The following ELOVL6 variants were observed in gnomAD, a reference collection of about 807,000 sequenced individuals.
ELOVL6 encodes the protein ELOVL fatty acid elongase 6, also known as very long chain fatty acid elongase 6.
ELOVL6 carries 8 observed loss-of-function variants against 31.7 expected under a neutral mutation model. The observed-to-expected ratio is 0.25, with a 90% CI of 0.15 to 0.45. ELOVL6 has a LOEUF of 0.45. Ranked by LOEUF, ELOVL6 falls within the 20% of genes least tolerant of loss-of-function variation. The pLI, the probability that ELOVL6 is intolerant of heterozygous loss-of-function variation, is 1.00. For missense variants in ELOVL6, 126 were observed against 326.4 expected (o/e 0.39, Z 4.73); for synonymous variants, 101 against 117.7 (o/e 0.86, Z 0.92).
At chr4:110,150,604 T>C (rs575711153) in intron 1 of ELOVL6, among the ~76,000 whole-genome samples, 1 of 152,206 alleles carries the variant, frequency 6.6e-6, no homozygotes, top group Non-Finnish European at 1.5e-5. Flanking sequence ...TAAAAATGCT[T>C]AAAATTCTAA....
Position 110,154,539 on chromosome 4 carries a change from G to A in ELOVL6, c.89+43708C>T, listed in dbSNP as rs1398540331. 2.6e-5 allele frequency among the ~76,000 whole-genome samples: 4 copies of A among 152,340 alleles called. No individual in the cohort carries two copies. In the South Asian group the frequency reaches 8.3e-4, roughly 32 times the overall value. ...CAAAGAGCTGGGATTACAGGCATGA[G>A]CCTCCACACCTGGCCTATTTTTATT... is the stretch of plus-strand genomic sequence containing the variant. On this transcript the variant is annotated intron_variant, in intron 1 of 3. Transcript: ENST00000302274.
At chr4:110,142,053 C>CA (rs1757979641) in intron 1 of ELOVL6, among the ~76,000 whole-genome samples, 1 of 147,374 alleles carries the variant, frequency 6.8e-6, no homozygotes, top group South Asian at 2.1e-4. Context: ...CTTGATATCC[C>CA]ACCCCTTACT....
chr4:110,158,166 C>T (rs368460874), intron 1 of ELOVL6, among the ~76,000 whole-genome samples: 7 of 152,062 alleles, frequency 4.6e-5, no homozygotes, highest in African/African-American at 1.7e-4. Context: ...AACAAAAATC[C>T]AAACATACTA....
At chr4:110,114,269 A>G (rs1027376455) in intron 1 of ELOVL6, among the ~76,000 whole-genome samples, 13 of 152,220 alleles carry the variant, frequency 8.5e-5, no homozygotes, top group Non-Finnish European at 1.6e-4. Context: ...TTTCCTAAAT[A>G]TAAAATTTTA....
chr4:110,189,437 A>T (rs1759543199), intron 1 of ELOVL6, among the ~76,000 whole-genome samples: 1 of 151,286 alleles, frequency 6.6e-6, no homozygotes, highest in Non-Finnish European at 1.5e-5. Context: ...AAATACAAAA[A>T]TTAGGCAGGT....
At chr4:110,087,114 G>A (rs1240533210) in intron 2 of ELOVL6, among the ~76,000 whole-genome samples, 1 of 152,088 alleles carries the variant, frequency 6.6e-6, no homozygotes, top group African/African-American at 2.4e-5. Context: ...AAATTTGGGA[G>A]ATATGAAGTT....
At chr4:110,077,972 T>A (rs1274731274) in intron 2 of ELOVL6, among the ~76,000 whole-genome samples, 2 of 152,076 alleles carry the variant, frequency 1.3e-5, no homozygotes, top group East Asian at 3.8e-4. Flanking sequence ...TTTGATCAAC[T>A]GGAAGAAACG....
chr4:110,139,416 GTTTAT>G (rs530237054), intron 1 of ELOVL6, among the ~76,000 whole-genome samples: 21 of 152,092 alleles, frequency 1.4e-4, no homozygotes, highest in Non-Finnish European at 3.1e-4. Flanking sequence ...TCTTATTTAA[GTTTAT>G]TTTATTTCTA....
At chr4:110,131,319 G>A (rs1237960107) in intron 1 of ELOVL6, among the ~76,000 whole-genome samples, 1 of 152,068 alleles carries the variant, frequency 6.6e-6, no homozygotes, top group Non-Finnish European at 1.5e-5. Flanking sequence ...CAAATTATCT[G>A]TTTATATTGA....
intron 1 of ELOVL6, among the ~76,000 whole-genome samples, chr4:110,187,469 G>C (rs1163415817): frequency 1.3e-5 from 2 of 151,658 alleles, no homozygotes; most frequent in Non-Finnish European, 2.9e-5. Context: ...AATTGCTTGG[G>C]AGGCCGAGGC....
At chr4:110,058,291 G>C (rs543149645) in intron 3 of ELOVL6, among the ~76,000 whole-genome samples, 15 of 152,284 alleles carry the variant, frequency 9.9e-5, no homozygotes, top group Middle Eastern at 3.4e-3. Context: ...TCTGTTGGAG[G>C]GGGGGAGCGG....
chr4:110,198,308 C>A lies in ELOVL6; in HGVS notation c.28G>T (p.Glu10Ter). The stretch of plus-strand genomic sequence containing the variant: ...TTGAACTGCTTTTCGAATTCATATT[C>A]TTGTAAAGTCAACACTGACATGTTC... MNMSVLTLQ[E>*]YEFEKQFNEN... Residue 10 changes from glutamate (E) to a stop codon, truncating the protein, a stop_gained, in exon 1 of 4, where the codon GAA (glutamate) becomes TAA (stop). Coordinates refer to ENST00000302274, the MANE Select transcript of ELOVL6 (RefSeq NM_024090.3). LOFTEE classifies it high-confidence loss of function. 1 of 1,611,356 alleles carries A rather than the reference C, an allele frequency of 6.2e-7. No homozygotes were observed. Among genetic ancestry groups the A allele is most frequent in the Non-Finnish European group, 8.5e-7 (1 of 1,177,542 alleles).
At chr4:110,159,230 A>C (rs1228302538) in intron 1 of ELOVL6, among the ~76,000 whole-genome samples, 2 of 152,128 alleles carry the variant, frequency 1.3e-5, no homozygotes, top group Non-Finnish European at 2.9e-5. Context: ...ACTTTTATGG[A>C]GTGCCTTCCA....
intron 2 of ELOVL6, among the ~76,000 whole-genome samples, chr4:110,085,535 C>T (rs761015232): frequency 6.6e-6 from 1 of 152,162 alleles, no homozygotes; most frequent in Non-Finnish European, 1.5e-5. Flanking sequence ...TTCTCATCTA[C>T]TGAACACGTC....
intron 2 of ELOVL6, among the ~76,000 whole-genome samples, chr4:110,081,065 A>G (rs1230381676): frequency 6.6e-6 from 1 of 152,192 alleles, no homozygotes; most frequent in Non-Finnish European, 1.5e-5. Context: ...AAGGAGAACT[A>G]CAAACCACTG....
At chr4:110,149,228 T>C (rs1433242185) in intron 1 of ELOVL6, among the ~76,000 whole-genome samples, 1 of 152,174 alleles carries the variant, frequency 6.6e-6, no homozygotes, top group African/African-American at 2.4e-5. Context: ...TGGAGATTTC[T>C]TCGAGAACTA....
intron 2 of ELOVL6, among the ~76,000 whole-genome samples, chr4:110,066,795 A>G (rs1755318403): frequency 6.6e-6 from 1 of 152,144 alleles, no homozygotes; most frequent in African/African-American, 2.4e-5. Flanking sequence ...CATGTGCAGA[A>G]CGTGCAGGTT....
At chr4:110,143,382 A>G (rs995508032) in intron 1 of ELOVL6, among the ~76,000 whole-genome samples, 2 of 152,104 alleles carry the variant, frequency 1.3e-5, no homozygotes, top group Non-Finnish European at 2.9e-5. Flanking sequence ...TCTTTTTTCA[A>G]TGGCGCTCCT....
At chr4:110,127,422 A>AG (rs1295281793) in intron 1 of ELOVL6, among the ~76,000 whole-genome samples, 2 of 150,928 alleles carry the variant, frequency 1.3e-5, no homozygotes, top group Non-Finnish European at 3.0e-5. Flanking sequence ...AAAAAAAAAA[A>AG]AAAGAAAAGA....
Sources: gnomAD v4.1 joint callset for allele counts (sites outside exome capture counted in the v4.1 genomes callset) on GRCh38, gnomAD v4.1.1 for gene constraint, MANE v1.5 for transcripts, NCBI Gene and HGNC (gene_info 2026-07-23, HGNC 2026-07-21) for gene names.